Variants in MKNK2 observed in about 807,000 individuals in gnomAD.
MKNK2 encodes the protein MAP kinase-interacting serine/threonine-protein kinase 2.
MKNK2 carries 54 observed loss-of-function variants against 55.0 expected under a neutral mutation model. That is an observed-to-expected ratio of 0.98 (90% CI 0.79 to 1.23). MKNK2 has a LOEUF of 1.23. Ranked by LOEUF, MKNK2 falls within the 50% of genes most tolerant of loss-of-function variation. The pLI is 0.00. For synonymous variants in MKNK2, 323 were observed against 256.0 expected, an observed-to-expected ratio of 1.26 and a Z score of -2.50; for missense variants, 685 against 632.1, an observed-to-expected ratio of 1.08 and a Z score of -0.90.
intron 5 of MKNK2, 89 bp from the exon 6 acceptor site, chr19:2,043,671 TCAC>T (rs1314392200): frequency 5.9e-6 from 7 of 1,179,860 alleles, no homozygotes; most frequent in African/African-American, 1.5e-5. Flanking sequence ...CGGCTGGAAT[TCAC>T]CACACTTAAC....
Position 2,046,472 on chromosome 19 carries a change from T to TTCCAGGAGGCACG in MKNK2, c.140-17_140-5dup. The TTCCAGGAGGCACG allele has an allele frequency of 6.2e-7, 1 of 1,607,162 alleles. No individual in the cohort carries two copies. Among genetic ancestry groups the TTCCAGGAGGCACG allele is most frequent in the Non-Finnish European group, 8.5e-7 (1 of 1,178,918 alleles). On this transcript the variant is annotated splice_polypyrimidine_tract_variant and splice_region_variant and intron_variant, in intron 3 of 13. Transcript: ENST00000250896. ...ATGGGCTGGCTGGCGGGCATGTCTG[T>TTCCAGGAGGCACG]TCCAGGAGGCACGCCCAGGGGGCTC...
intron 5 of MKNK2, among the ~76,000 whole-genome samples, chr19:2,044,228 A>T (rs966865907): frequency 2.6e-5 from 4 of 152,128 alleles, no homozygotes; most frequent in African/African-American, 9.7e-5. Flanking sequence ...CTGCCAGCCC[A>T]CCAGGCCCCA....
At chr19:2,044,877 C>A (rs2016964677) in intron 5 of MKNK2, among the ~76,000 whole-genome samples, 1 of 152,184 alleles carries the variant, frequency 6.6e-6, no homozygotes, top group African/African-American at 2.4e-5. Flanking sequence ...ATGGAAGGGG[C>A]CTATTCTGAG....
At position 2,037,846 on chromosome 19, in the gene MKNK2, A is replaced by AC. The variant is rs766658300; in HGVS notation, c.*1766_*1767insG. 1.4e-4 allele frequency: 218 copies of AC among 1,575,254 alleles called. No individual in the cohort carries two copies. In the South Asian group the frequency reaches 2.2e-3, roughly 16 times the overall value. On this transcript the variant is annotated 3_prime_UTR_variant, in exon 14 of 14. Coordinates refer to ENST00000250896, the MANE Select transcript of MKNK2 (RefSeq NM_199054.3). The stretch of plus-strand genomic sequence containing the variant: ...CTGTCCCACCTTCAGAAAAAAAAAA[A>AC]AAAACAAACAAACAAACGCTGCTAG...
At chr19:2,046,065 A>C (rs2016988607) in intron 5 of MKNK2, 121 bp downstream of exon 5, 1 of 1,013,450 alleles carries the variant, frequency 9.9e-7, no homozygotes. Context: ...CCCGGTGGCC[A>C]CTTTTAGACA....
chr19:2,046,723 GC>G, intron 2 of MKNK2, 32 bp from the exon 3 acceptor site: 1 of 1,470,820 alleles, frequency 6.8e-7, no homozygotes, highest in Non-Finnish European at 9.0e-7. Context: ...AGGCACTCAG[GC>G]CCCATCCCTG....
intron 3 of MKNK2, 36 bp downstream of exon 3, chr19:2,046,568 G>A (rs574543734): frequency 6.4e-7 from 1 of 1,553,522 alleles, no homozygotes; most frequent in South Asian, 1.2e-5. Context: ...AGCGACAGCA[G>A]CTGCCCTGTG....
intron 5 of MKNK2, 41 bp from the exon 6 acceptor site, chr19:2,043,623 C>CGCT (rs1472356216): frequency 6.3e-7 from 1 of 1,578,310 alleles, no homozygotes. Context: ...GTTGGTGGGA[C>CGCT]GCTCATAGTC....
At chr19:2,041,226 G>A (rs138297789) in intron 11 of MKNK2, 22 bp from the exon 12 acceptor site, 31 of 1,602,258 alleles carry the variant, frequency 1.9e-5, no homozygotes, top group African/African-American at 1.9e-4. Flanking sequence ...GAACACAGGG[G>A]AGCTTAGACC....
intron 6 of MKNK2, 101 bp downstream of exon 6, chr19:2,043,402 G>C: frequency 8.4e-7 from 1 of 1,196,348 alleles, no homozygotes. Context: ...CTGGGAAACT[G>C]GGTGCCCTAC....
Position 2,038,273 on chromosome 19 carries a change from A to C in MKNK2, c.*1340T>G. On this transcript the variant is annotated 3_prime_UTR_variant, in exon 14 of 14. Transcript: ENST00000250896. ...TTTTTTTTTAAGGAAAAACTAAAAA[A>C]CTAAACAGGAGGAAGAATCCCGACC... 1.0e-6 allele frequency: 1 copy of C among 987,188 alleles called. No individual in the cohort carries two copies. The highest frequency in any genetic ancestry group is 1.2e-6 in the Non-Finnish European group (1 of 830,886). The allele number at this position is 987,188 out of a possible 1,614,324, so 61.2% of individuals were successfully genotyped here.
chr19:2,043,403 G>A lies in MKNK2; in HGVS notation c.419+100C>T, dbSNP rs2016934441. The A allele has an allele frequency of 4.2e-6, 5 of 1,201,730 alleles. No individual in the cohort carries two copies. The African/African-American group carries it at 7.5e-5, about 18-fold the overall frequency. The allele number at this position is 1,201,730 out of a possible 1,614,324, so 74.4% of individuals were successfully genotyped here. On this transcript the variant is annotated intron_variant, in intron 6 of 13. Transcript: ENST00000250896. ...GGGGAATGCAGGGCCTGGGAAACTG[G>A]GTGCCCTACAGACGCTTGCTGGGGG...
Position 2,046,515 on chromosome 19 carries a change from G to A in MKNK2, c.140-47C>T, listed in dbSNP as rs577148950. 51 of 1,570,478 alleles carry A rather than the reference G, an allele frequency of 3.2e-5. 1 individual carries two copies. The African/African-American group carries it at 3.9e-4, about 12-fold the overall frequency. On this transcript the variant is annotated intron_variant, in intron 3 of 13. Transcript: ENST00000250896. ...GGGGGCTCAGGACATGGCCCTGGCC[G>A]GCCGGCCCCCACCCCCCTGCAGGGG...
rs1351837978 is a variant in MKNK2, at chr19:2,042,371, G to A, written c.750+56C>T. On this transcript the variant is annotated intron_variant, in intron 10 of 13. Transcript: ENST00000250896. Reference sequence around the variant, plus strand: ...TGCTGGATGGCCCAGGCTCCGCGAGGTTATGCAACCGCAGAGCAGGCGGCC... The same window carrying A: ...TGCTGGATGGCCCAGGCTCCGCGAGATTATGCAACCGCAGAGCAGGCGGCC... 9 of 1,470,378 alleles carry A rather than the reference G, an allele frequency of 6.1e-6. No individual in the cohort carries two copies. In the East Asian group the frequency reaches 7.4e-5, roughly 12 times the overall value. 91.1% of individuals were successfully genotyped at this position (1,470,378 alleles called of 1,614,324 possible). A position where few individuals can be genotyped will look rare whatever the true frequency, so the allele number is the denominator to read the frequency against.
rs376380217 is a variant in MKNK2 at position 2,046,143 on chromosome 19, G to A, written c.339+43C>T. ...ACTGTTTCCACCCCCGCTCAACACC[G>A]ATCCCAAGGCGCTGGGTTCCCCAGG... On this transcript the variant is annotated intron_variant, in intron 5 of 13. Transcript: ENST00000250896. 59 of 1,576,102 alleles carry A rather than the reference G, an allele frequency of 3.7e-5. 1 individual carries two copies. The East Asian group carries it at 1.1e-3, about 28-fold the overall frequency.
rs930695089 is a variant in MKNK2, at chr19:2,037,982, T to A, written c.*1631A>T. ...GAATCCCCCGTTACGAAACATGGAA[T>A]CACTGACAGGCGAGAAGTGATGGGG... On this transcript the variant is annotated 3_prime_UTR_variant, in exon 14 of 14. Transcript: ENST00000250896. The A allele has an allele frequency of 3.9e-5, 54 of 1,375,214 alleles. No individual in the cohort carries two copies. The highest frequency in any genetic ancestry group is 2.8e-4 in the Middle Eastern group (1 of 3,578). 85.2% of individuals were successfully genotyped at this position (1,375,214 alleles called of 1,614,324 possible). A position where few individuals can be genotyped will look rare whatever the true frequency, so the allele number is the denominator to read the frequency against.
intron 2 of MKNK2, among the ~76,000 whole-genome samples, chr19:2,049,848 C>T (rs1030965094): frequency 6.6e-6 from 1 of 152,166 alleles, no homozygotes; most frequent in Non-Finnish European, 1.5e-5. Flanking sequence ...GGAATTCTTC[C>T]CAGTCTCTCT....
In MKNK2 at chr19:2,046,686, C is replaced by T. The variant is rs868151082; in HGVS notation, c.57G>A (p.Gln19=). The change falls in exon 3 of 14, where the codon CAG becomes CAA. Residue 19 remains glutamine, a synonymous_variant. Transcript: ENST00000250896. ...GGGAGAAGGCCAGCTCGAAGGGGTT[C>T]TGCCCCTGCAGGGGAGAGGAGAGGA... is the stretch of plus-strand genomic sequence containing the variant. The part of the protein sequence containing the change: ...LQGFHRSFKG[Q]NPFELAFSLD... The T allele has an allele frequency of 6.6e-7, 1 of 1,524,570 alleles. No homozygotes were observed. The highest frequency in any genetic ancestry group is 2.3e-5 in the Admixed American group (1 of 43,112). 94.4% of individuals were successfully genotyped at this position (1,524,570 alleles called of 1,614,324 possible).
Position 2,041,900 on chromosome 19 carries a change from G to A in MKNK2, c.885C>T (p.Phe295=), listed in dbSNP as rs778217781. 5 of 1,545,454 alleles carry A rather than the reference G, an allele frequency of 3.2e-6. No homozygotes were observed. The highest frequency in any genetic ancestry group is 1.2e-5 in the South Asian group (1 of 83,906). The part of the protein sequence containing the change: ...LYILLSGYPP[F]VGRCGSDCGW... The stretch of plus-strand genomic sequence containing the variant: ...CGCAGTCGCTGCCACAGCGGCCCAC[G>A]AAGGGCGGGTAGCCGCTGAGTAGGA... The change falls in exon 11 of 14, where the codon TTC becomes TTT. Residue 295 remains phenylalanine, a synonymous_variant. Coordinates refer to ENST00000250896, the MANE Select transcript of MKNK2 (RefSeq NM_199054.3).
Sources: gnomAD v4.1 joint callset for allele counts (sites outside exome capture counted in the v4.1 genomes callset) on GRCh38, gnomAD v4.1.1 for gene constraint, MANE v1.5 for transcripts, NCBI Gene and HGNC (gene_info 2026-07-23, HGNC 2026-07-21) for gene names.